KCNQ3: variants seen among roughly 807,000 people sequenced by gnomAD.
KCNQ3 encodes potassium voltage-gated channel subfamily Q member 3.
Under a neutral mutation model 92.5 loss-of-function variants are expected in KCNQ3, and 30 were observed. That is an observed-to-expected ratio of 0.32 (90% CI 0.24 to 0.44). KCNQ3 has a LOEUF of 0.44. KCNQ3 is among the 20% of genes least tolerant of loss of function. The probability of loss-of-function intolerance (pLI) is 1.00; values close to 1 mark genes in which losing one functional copy is unlikely to be tolerated. For missense variants in KCNQ3, 913 were observed against 1,140.3 expected, an observed-to-expected ratio of 0.80 and a Z score of 2.87; for synonymous variants, 450 against 468.8, an observed-to-expected ratio of 0.96 and a Z score of 0.52.
chr8:132,181,502 G>GAAGT (rs1233231734), intron 3 of KCNQ3, among the ~76,000 whole-genome samples: 4 of 152,148 alleles, frequency 2.6e-5, no homozygotes, highest in Non-Finnish European at 4.4e-5. Context: ...CTATACAAGT[G>GAAGT]AAGTATAGTC....
intron 1 of KCNQ3, among the ~76,000 whole-genome samples, chr8:132,388,716 C>T (rs1819967250): frequency 6.6e-6 from 1 of 152,156 alleles, no homozygotes; most frequent in Non-Finnish European, 1.5e-5. Flanking sequence ...TGGTTCCAGG[C>T]ATTGCCAAAT....
intron 1 of KCNQ3, among the ~76,000 whole-genome samples, chr8:132,335,578 A>G (rs61334308): frequency 0.045 from 6,814 of 152,280 alleles, 414 homozygotes; most frequent in Admixed American, 0.11. Context: ...GACAGAGCCC[A>G]GCAAAGGTTG....
intron 1 of KCNQ3, among the ~76,000 whole-genome samples, chr8:132,209,591 T>C (rs1813789062): frequency 6.6e-6 from 1 of 151,696 alleles, no homozygotes; most frequent in Non-Finnish European, 1.5e-5. Flanking sequence ...CTACTTACAA[T>C]AGTTTGACTT....
intron 1 of KCNQ3, among the ~76,000 whole-genome samples, chr8:132,438,421 T>C (rs1821451441): frequency 6.6e-6 from 1 of 152,106 alleles, no homozygotes; most frequent in African/African-American, 2.4e-5. Flanking sequence ...TCTGAGGAAC[T>C]TAGGGACTCC....
At chr8:132,227,089 T>C (rs1286531409) in intron 1 of KCNQ3, among the ~76,000 whole-genome samples, 2 of 145,790 alleles carry the variant, frequency 1.4e-5, no homozygotes, top group African/African-American at 5.1e-5. Flanking sequence ...TTAGATGGAG[T>C]CTCGCTGTGT....
chr8:132,421,947 C>T (rs980554775), intron 1 of KCNQ3, among the ~76,000 whole-genome samples: 3 of 152,168 alleles, frequency 2.0e-5, no homozygotes, highest in African/African-American at 7.2e-5. Flanking sequence ...GTCTCCCTTC[C>T]TCTTCTGGTG....
At chr8:132,426,459 T>G (rs1484852382) in intron 1 of KCNQ3, among the ~76,000 whole-genome samples, 1 of 152,184 alleles carries the variant, frequency 6.6e-6, no homozygotes, top group Admixed American at 6.5e-5. Context: ...CCTGGTTTGC[T>G]CTCTGTGATC....
At chr8:132,347,749 G>A (rs1036455849) in intron 1 of KCNQ3, among the ~76,000 whole-genome samples, 12 of 152,030 alleles carry the variant, frequency 7.9e-5, no homozygotes, top group African/African-American at 1.7e-4. Flanking sequence ...AGGCCGAGGC[G>A]GGCAGATCAC....
rs542776133 is a variant in KCNQ3, at chr8:132,442,702, G to A, written c.386+37445C>T. On this transcript the variant is annotated intron_variant, in intron 1 of 14. Transcript: ENST00000388996. ...GCCTTGGTCTTCAACTGACCTATGA[G>A]GTCAAGGCATTCTCTCTCCCAGAAG... Among the ~76,000 whole-genome samples the A allele has an allele frequency of 2.6e-5, 4 of 152,218 alleles. No homozygotes were observed. In the South Asian group the frequency reaches 6.2e-4, roughly 24 times the overall value.
At chr8:132,381,610 C>T (rs1261810900) in intron 1 of KCNQ3, among the ~76,000 whole-genome samples, 1 of 152,204 alleles carries the variant, frequency 6.6e-6, no homozygotes, top group East Asian at 1.9e-4. Flanking sequence ...CTCGTTTATT[C>T]AACAAATAAC....
intron 1 of KCNQ3, among the ~76,000 whole-genome samples, chr8:132,418,056 A>T (rs1182050110): frequency 1.3e-5 from 2 of 152,028 alleles, no homozygotes; most frequent in African/African-American, 2.4e-5. Context: ...ATTTCCTGAG[A>T]TCACCGGGAT....
At chr8:132,412,344 T>C (rs1820674057) in intron 1 of KCNQ3, among the ~76,000 whole-genome samples, 1 of 151,934 alleles carries the variant, frequency 6.6e-6, no homozygotes, top group Admixed American at 6.6e-5. Context: ...TCTCCCCTTC[T>C]GGGTGATTCT....
intron 1 of KCNQ3, among the ~76,000 whole-genome samples, chr8:132,198,323 G>T (rs573918091): frequency 6.6e-6 from 1 of 152,332 alleles, no homozygotes; most frequent in South Asian, 2.1e-4. Context: ...GGTAAGCTAT[G>T]ATTGGACTCC....
At chr8:132,236,700 T>C (rs1814827099) in intron 1 of KCNQ3, among the ~76,000 whole-genome samples, 1 of 152,186 alleles carries the variant, frequency 6.6e-6, no homozygotes, top group Admixed American at 6.5e-5. Context: ...TTTCCTTAGA[T>C]GGCACAGTTG....
chr8:132,180,673 C>T (rs755013781), intron 3 of KCNQ3, among the ~76,000 whole-genome samples: 2 of 152,090 alleles, frequency 1.3e-5, no homozygotes, highest in Non-Finnish European at 2.9e-5. Flanking sequence ...CAGAGGACAG[C>T]TGCAGCTGCT....
At chr8:132,132,096 A>AGG in intron 14 of KCNQ3, 84 bp downstream of exon 14, 1 of 1,009,470 alleles carries the variant, frequency 9.9e-7, no homozygotes, top group Non-Finnish European at 1.5e-6. Context: ...TTAAAAAAAA[A>AGG]AAAGAAAGAA....
intron 1 of KCNQ3, among the ~76,000 whole-genome samples, chr8:132,206,896 G>T (rs1046191183): frequency 2.6e-5 from 4 of 151,678 alleles, no homozygotes; most frequent in Non-Finnish European, 4.4e-5. Flanking sequence ...GGCTTGGTTT[G>T]CTCTTGCTTT....
chr8:132,203,335 C>T (rs1827519746), intron 1 of KCNQ3, among the ~76,000 whole-genome samples: 1 of 152,148 alleles, frequency 6.6e-6, no homozygotes, highest in African/African-American at 2.4e-5. Flanking sequence ...TATGACCTGA[C>T]CAAGCATCAT....
chr8:132,428,300 G>T (rs150627795), intron 1 of KCNQ3, among the ~76,000 whole-genome samples: 166 of 152,094 alleles, frequency 1.1e-3, no homozygotes, highest in African/African-American at 3.9e-3. Context: ...CATTCTTTCT[G>T]CCTTAAAGAA....
Sources: gnomAD v4.1 joint callset for allele counts (sites outside exome capture counted in the v4.1 genomes callset) on GRCh38, gnomAD v4.1.1 for gene constraint, MANE v1.5 for transcripts, NCBI Gene and HGNC (gene_info 2026-07-23, HGNC 2026-07-21) for gene names.